The following ZNF106 variants were observed in gnomAD, a reference collection of about 807,000 sequenced individuals.
ZNF106 encodes the protein SH3-domain binding protein 3.
ZNF106 carries 67 observed loss-of-function variants against 195.1 expected under a neutral mutation model. That is an observed-to-expected ratio of 0.34 (90% CI 0.28 to 0.42). The LOEUF is 0.42. Ranked by LOEUF, ZNF106 falls within the 10% of genes least tolerant of loss-of-function variation. ZNF106 has a pLI of 1.00. For synonymous variants in ZNF106, 784 were observed against 818.6 expected (o/e 0.96, Z 0.72); for missense variants, 2,118 against 2,304.5 (o/e 0.92, Z 1.66).
chr15:42,487,163 A>G (rs1008967060), intron 1 of ZNF106, among the ~76,000 whole-genome samples: 2 of 151,824 alleles, frequency 1.3e-5, no homozygotes, highest in African/African-American at 4.8e-5. Context: ...AAAAAATAAA[A>G]TAAAATAAAA....
chr15:42,478,601 C>T (rs1430780679), intron 1 of ZNF106, among the ~76,000 whole-genome samples: 1 of 149,502 alleles, frequency 6.7e-6, no homozygotes, highest in Non-Finnish European at 1.5e-5. Flanking sequence ...CGGCAACCTC[C>T]GCCTCCCAGG....
chr15:42,424,730 T>G, intron 16 of ZNF106, 104 bp downstream of exon 16: 2 of 1,196,970 alleles, frequency 1.7e-6, no homozygotes, highest in Non-Finnish European at 2.3e-6. Context: ...TCCCCCTGCC[T>G]CACCCTCCCA....
rs768828338 is a variant in ZNF106, at chr15:42,448,619, CCTT to C, written c.2585_2587del (p.Glu862del). 61 of 1,613,904 alleles carry C rather than the reference CCTT, an allele frequency of 3.8e-5. No homozygotes were observed. The highest frequency in any genetic ancestry group is 4.0e-5 in the Non-Finnish European group (47 of 1,180,034). On this transcript the variant is annotated inframe_deletion, in exon 6 of 22. Transcript: ENST00000564754. ...AATGGAAACACCTTCCCACTGGAAT[CCTT>C]CTAGACTGGACAGATCAGGTTCCCC... is the stretch of plus-strand genomic sequence containing the variant.
intron 1 of ZNF106, among the ~76,000 whole-genome samples, chr15:42,478,700 C>A (rs1472393256): frequency 2.6e-5 from 4 of 151,568 alleles, no homozygotes; most frequent in South Asian, 2.1e-4. Context: ...TTAGTAGAGA[C>A]GGGGTTTCAC....
chr15:42,459,112 T>A (rs910773427), intron 3 of ZNF106, among the ~76,000 whole-genome samples: 1 of 152,192 alleles, frequency 6.6e-6, no homozygotes, highest in Non-Finnish European at 1.5e-5. Context: ...ATATTCTAAT[T>A]CCACAGGTAC....
intron 13 of ZNF106, among the ~76,000 whole-genome samples, chr15:42,437,001 G>A (rs1052420521): frequency 1.3e-5 from 2 of 152,182 alleles, no homozygotes; most frequent in African/African-American, 4.8e-5. Flanking sequence ...AAGCAGGAGG[G>A]GAACTAGCTT....
At chr15:42,452,042 T>C in intron 4 of ZNF106, 88 bp from the exon 5 acceptor site, 2 of 1,402,698 alleles carry the variant, frequency 1.4e-6, no homozygotes. Context: ...CCCTTGTACT[T>C]TCCTCCCGTT....
Position 42,451,333 on chromosome 15 carries a change from T to A in ZNF106, c.939A>T (p.Thr313=). ...CAGAAGGACCTCTATATGTGGCAAC[T>A]GTACCAAGTTTGTCATTTTCTTGCC... ...WQRQENDKLG[T]VATYRGPSEG... Residue 313 remains threonine, a synonymous_variant, in exon 5 of 22, where the codon ACA becomes ACT. Transcript: ENST00000564754. 1 of 1,613,864 alleles carries A rather than the reference T, an allele frequency of 6.2e-7. No individual in the cohort carries two copies. Among genetic ancestry groups the A allele is most frequent in the Non-Finnish European group, 8.5e-7 (1 of 1,179,786 alleles).
At position 42,435,450 on chromosome 15, in the gene ZNF106, G is replaced by C; in HGVS notation, c.4815C>G (p.Thr1605=). 1 of 1,614,176 alleles carries C rather than the reference G, an allele frequency of 6.2e-7. No homozygotes were observed. Among genetic ancestry groups the C allele is most frequent in the Non-Finnish European group, 8.5e-7 (1 of 1,180,028 alleles). ...SKVNCLLVTQ[T]SGKNAALYTG... ...TGTAAAGGGCAGCATTCTTCCCGGA[G>C]GTCTGAGTAACCAGGAGGCAGTTAA... The change falls in exon 14 of 22, where the codon ACC becomes ACG. Residue 1605 remains threonine, a synonymous_variant. Coordinates refer to ENST00000564754, the MANE Select transcript of ZNF106 (RefSeq NM_001366845.3).
intron 1 of ZNF106, among the ~76,000 whole-genome samples, chr15:42,474,370 A>T (rs1299046190): frequency 6.6e-6 from 1 of 152,238 alleles, no homozygotes; most frequent in African/African-American, 2.4e-5. Context: ...TGTATGACAT[A>T]TCATAAGGAA....
chr15:42,451,988 A>C (rs750950537), intron 4 of ZNF106, 34 bp from the exon 5 acceptor site: 2 of 1,575,602 alleles, frequency 1.3e-6, no homozygotes, highest in Non-Finnish European at 1.7e-6. Flanking sequence ...TAGCGATTTA[A>C]AGGAATTCCT....
chr15:42,475,821 C>T (rs1416004520), intron 1 of ZNF106, among the ~76,000 whole-genome samples: 5 of 152,094 alleles, frequency 3.3e-5, no homozygotes, highest in African/African-American at 1.2e-4. Flanking sequence ...AATTATTAAC[C>T]ACCAAAGCAA....
intron 3 of ZNF106, among the ~76,000 whole-genome samples, chr15:42,465,367 A>G (rs1469922404): frequency 6.6e-6 from 1 of 152,012 alleles, no homozygotes; most frequent in Non-Finnish European, 1.5e-5. Context: ...GCCCTGACCT[A>G]CCTAAGCTCA....
rs1321910756 is a variant in ZNF106 at position 42,433,486 on chromosome 15, CT to C, written c.4881+1897del. ...TTCTTTGCATTGTTCTTTTTTTTTT[CT>C]TTTCTTTTTTTTTTGGACAGAGTCT... is the stretch of plus-strand genomic sequence containing the variant. On this transcript the variant is annotated intron_variant, in intron 14 of 21. Coordinates refer to ENST00000564754, the MANE Select transcript of ZNF106 (RefSeq NM_001366845.3). 8.3e-5 allele frequency among the ~76,000 whole-genome samples: 7 copies of C among 84,278 alleles called. No individual in the cohort carries two copies. In the South Asian group the frequency reaches 3.6e-3, roughly 44 times the overall value. The allele number at this position is 84,278 out of a possible 152,430, so 55.3% of individuals were successfully genotyped here. A position where few individuals can be genotyped will look rare whatever the true frequency, so the allele number is the denominator to read the frequency against.
rs765091553 is a variant in ZNF106, at chr15:42,451,782, T to C, written c.490A>G (p.Asn164Asp). ...DWKWEKDGFN[N>D]TRKNSFPHSL... is the part of the protein sequence containing the mutation. Reference sequence around the variant, plus strand: ...TGTGGAAAGCTGTTTTTCCTAGTATTATTAAAGCCATCTTTTTCCCATTTC... The same window carrying C: ...TGTGGAAAGCTGTTTTTCCTAGTATCATTAAAGCCATCTTTTTCCCATTTC... The change falls in exon 5 of 22, where the codon AAT (asparagine) becomes GAT (aspartate). Residue 164 changes from asparagine to aspartate, a missense_variant. Transcript: ENST00000564754. 3.7e-6 allele frequency: 6 copies of C among 1,614,194 alleles called. No homozygotes were observed. The highest frequency in any genetic ancestry group is 5.1e-6 in the Non-Finnish European group (6 of 1,180,038).
At chr15:42,477,772 C>G (rs560754694) in intron 1 of ZNF106, among the ~76,000 whole-genome samples, 1 of 152,130 alleles carries the variant, frequency 6.6e-6, no homozygotes, top group African/African-American at 2.4e-5. Context: ...CACCTGTAAT[C>G]CCAGCTACTC....
intron 1 of ZNF106, among the ~76,000 whole-genome samples, chr15:42,485,960 C>CTT (rs34242148): frequency 0.048 from 6,545 of 137,390 alleles, 527 homozygotes; most frequent in African/African-American, 0.16. Flanking sequence ...ATTACTCTTT[C>CTT]TTTTTTTTTT....
intron 5 of ZNF106, among the ~76,000 whole-genome samples, chr15:42,449,030 A>C (rs1017039611): frequency 3.9e-5 from 6 of 152,054 alleles, no homozygotes; most frequent in Admixed American, 6.6e-5. Flanking sequence ...AAAAAAAAAA[A>C]CCCTTTTACT....
chr15:42,465,227 C>G (rs1467620975), intron 3 of ZNF106, among the ~76,000 whole-genome samples: 1 of 150,224 alleles, frequency 6.7e-6, no homozygotes, highest in African/African-American at 2.5e-5. Flanking sequence ...AAGGTGTCCA[C>G]TTATTAGATT....
Sources: allele counts gnomAD v4.1 joint callset (sites outside exome capture counted in the v4.1 genomes callset), GRCh38; gene constraint gnomAD v4.1.1; transcripts MANE v1.5; gene names NCBI Gene and HGNC (gene_info 2026-07-23, HGNC 2026-07-21).